The following CNTNAP2 variants were observed in gnomAD, a reference collection of about 807,000 sequenced individuals.
CNTNAP2 encodes contactin associated protein 2.
A neutral mutation model predicts 155.2 loss-of-function variants in CNTNAP2; 98 were observed. That is an observed-to-expected ratio of 0.63 (90% CI 0.54 to 0.75). The LOEUF (loss-of-function observed/expected upper bound fraction) is 0.75, where lower values mean the gene tolerates loss of function less well. CNTNAP2 is among the 30% of genes least tolerant of loss of function. CNTNAP2 has a pLI of 0.00. For missense variants in CNTNAP2, 1,727 were observed against 1,688.1 expected (o/e 1.02, Z -0.40); for synonymous variants, 651 against 631.2 (o/e 1.03, Z -0.47).
intron 3 of CNTNAP2, among the ~76,000 whole-genome samples, chr7:147,029,364 C>T (rs548524507): frequency 9.2e-5 from 14 of 152,228 alleles, no homozygotes; most frequent in African/African-American, 3.4e-4. Flanking sequence ...TCAGTTACCT[C>T]ATTATCATCA....
At chr7:147,100,072 G>A (rs1483789089) in intron 4 of CNTNAP2, among the ~76,000 whole-genome samples, 5 of 152,078 alleles carry the variant, frequency 3.3e-5, no homozygotes, top group African/African-American at 1.2e-4. Flanking sequence ...GATATCTTGT[G>A]GGTAATGAGT....
At chr7:146,554,730 G>A (rs1584979313) in intron 1 of CNTNAP2, among the ~76,000 whole-genome samples, 2 of 152,294 alleles carry the variant, frequency 1.3e-5, no homozygotes, top group East Asian at 1.9e-4. Flanking sequence ...CTGTAAACTC[G>A]GTGTGCAGGG....
intron 1 of CNTNAP2, among the ~76,000 whole-genome samples, chr7:146,260,570 A>G (rs1799905236): frequency 6.6e-6 from 1 of 152,190 alleles, no homozygotes; most frequent in African/African-American, 2.4e-5. Context: ...AAAAGAGATT[A>G]TTTTGAAGCT....
chr7:148,211,567 G>A (rs1164347351), intron 18 of CNTNAP2, among the ~76,000 whole-genome samples: 5 of 152,098 alleles, frequency 3.3e-5, no homozygotes, highest in African/African-American at 1.2e-4. Context: ...TTGACATCAT[G>A]GGAAATAGGC....
At chr7:148,318,224 A>G (rs1459264416) in intron 21 of CNTNAP2, among the ~76,000 whole-genome samples, 1 of 152,214 alleles carries the variant, frequency 6.6e-6, no homozygotes, top group Admixed American at 6.5e-5. Flanking sequence ...TACCTGAGCT[A>G]GTTGGCTCAC....
At chr7:146,293,728 TGGG>T (rs1800468087) in intron 1 of CNTNAP2, among the ~76,000 whole-genome samples, 2 of 152,176 alleles carry the variant, frequency 1.3e-5, no homozygotes, top group Non-Finnish European at 2.9e-5. Context: ...TAATGCTCAT[TGGG>T]TTTCTTTTTA....
At chr7:147,732,187 C>CG (rs57392184) in intron 13 of CNTNAP2, among the ~76,000 whole-genome samples, 12 of 137,454 alleles carry the variant, frequency 8.7e-5, no homozygotes, top group East Asian at 4.3e-4. Flanking sequence ...TCCCTCCCCC[C>CG]CCCACCACCC....
At chr7:147,864,492 G>C (rs927617405) in intron 13 of CNTNAP2, among the ~76,000 whole-genome samples, 5 of 151,158 alleles carry the variant, frequency 3.3e-5, no homozygotes, top group African/African-American at 1.2e-4. Context: ...GATGGGGATG[G>C]CATTGAATCT....
intron 3 of CNTNAP2, among the ~76,000 whole-genome samples, chr7:146,991,585 C>G (rs1260624936): frequency 6.6e-6 from 1 of 152,176 alleles, no homozygotes; most frequent in Non-Finnish European, 1.5e-5. Context: ...TGTAATAACA[C>G]ATTGTAAAAC....
intron 2 of CNTNAP2, among the ~76,000 whole-genome samples, chr7:146,779,342 A>C (rs979504354): frequency 6.6e-6 from 1 of 152,210 alleles, no homozygotes; most frequent in Non-Finnish European, 1.5e-5. Context: ...TAGAAACCCC[A>C]AAATACATCA....
intron 8 of CNTNAP2, among the ~76,000 whole-genome samples, chr7:147,183,576 T>C (rs183173193): frequency 3.3e-5 from 5 of 152,254 alleles, no homozygotes; most frequent in African/African-American, 1.2e-4. Flanking sequence ...TGTGTGTGTG[T>C]GTGTTTTTCC....
intron 19 of CNTNAP2, among the ~76,000 whole-genome samples, chr7:148,218,770 C>A (rs1303119448): frequency 6.6e-6 from 1 of 151,918 alleles, no homozygotes; most frequent in Admixed American, 6.6e-5. Flanking sequence ...TCTGAGTGCA[C>A]CTAAAATTGG....
At chr7:146,258,446 T>A (rs1055954562) in intron 1 of CNTNAP2, among the ~76,000 whole-genome samples, 1 of 152,224 alleles carries the variant, frequency 6.6e-6, no homozygotes, top group Non-Finnish European at 1.5e-5. Flanking sequence ...ATTTTATGCT[T>A]TATTTATTTT....
intron 13 of CNTNAP2, chr7:147,850,074 T>C (rs568294710): frequency 1.1e-4 from 17 of 152,294 alleles, no homozygotes; most frequent in African/African-American, 4.1e-4. Flanking sequence ...AGAGGCAACA[T>C]TTTAAGACCA....
intron 11 of CNTNAP2, among the ~76,000 whole-genome samples, chr7:147,551,119 G>C (rs1441611612): frequency 1.1e-4 from 16 of 152,126 alleles, no homozygotes; most frequent in Admixed American, 6.5e-5. Context: ...AGGCTTTCTT[G>C]TTTTCTTAAA....
chr7:147,143,003 C>T (rs890482272), intron 8 of CNTNAP2, among the ~76,000 whole-genome samples: 2 of 152,130 alleles, frequency 1.3e-5, no homozygotes, highest in Non-Finnish European at 2.9e-5. Flanking sequence ...AGTATAGTGC[C>T]TTGTATCTTG....
At chr7:146,485,907 A>G (rs376047244) in intron 1 of CNTNAP2, among the ~76,000 whole-genome samples, 3 of 152,204 alleles carry the variant, frequency 2.0e-5, no homozygotes, top group Non-Finnish European at 2.9e-5. Flanking sequence ...TATACAATTT[A>G]ATCTGTCTAT....
At chr7:148,216,509 C>A (rs1795640720) in intron 18 of CNTNAP2, among the ~76,000 whole-genome samples, 2 of 152,158 alleles carry the variant, frequency 1.3e-5, no homozygotes, top group African/African-American at 4.8e-5. Context: ...TATGAATATC[C>A]AAGCAAATTC....
chr7:146,701,634 C>A (rs1352290185), intron 1 of CNTNAP2, among the ~76,000 whole-genome samples: 3 of 151,920 alleles, frequency 2.0e-5, no homozygotes, highest in Non-Finnish European at 4.4e-5. Flanking sequence ...AAAGTTATAT[C>A]ATTCAATGTG....
Sources: allele counts gnomAD v4.1 joint callset (sites outside exome capture counted in the v4.1 genomes callset), GRCh38; gene constraint gnomAD v4.1.1; transcripts MANE v1.5; gene names NCBI Gene and HGNC (gene_info 2026-07-23, HGNC 2026-07-21).